MAP3K4: variants seen among roughly 807,000 people sequenced by gnomAD.
MAP3K4 encodes mitogen-activated protein kinase kinase kinase 4.
In MAP3K4, 67 loss-of-function variants were observed where a neutral mutation model predicts 185.6. The observed-to-expected ratio is 0.36, with a 90% CI of 0.30 to 0.44. The LOEUF is 0.44. Among genes scored for constraint, MAP3K4 ranks in the 20% least tolerant of loss-of-function variants. MAP3K4 has a pLI of 1.00. For synonymous variants in MAP3K4, 702 were observed against 710.4 expected (o/e 0.99, Z 0.19); for missense variants, 1,551 against 1,995.1 (o/e 0.78, Z 4.24).
intron 6 of MAP3K4, among the ~76,000 whole-genome samples, chr6:161,083,618 T>G (rs990094567): frequency 6.6e-6 from 1 of 152,212 alleles, no homozygotes; most frequent in Non-Finnish European, 1.5e-5. Flanking sequence ...ATGATTTTCT[T>G]TTTTCATGAA....
chr6:161,038,159 C>T (rs1160275753), intron 2 of MAP3K4, among the ~76,000 whole-genome samples: 3 of 152,078 alleles, frequency 2.0e-5, no homozygotes, highest in Admixed American at 1.3e-4. Flanking sequence ...TGAGTGACTC[C>T]ATAGGCATGT....
intron 3 of MAP3K4, among the ~76,000 whole-genome samples, chr6:161,066,538 AT>A (rs1784723715): frequency 6.6e-6 from 1 of 151,036 alleles, no homozygotes; most frequent in South Asian, 2.1e-4. Flanking sequence ...TTAATTTATT[AT>A]TTTCCAGAGG....
Position 161,073,532 on chromosome 6 carries a change from C to T in MAP3K4, c.2017C>T (p.Leu673=). ...GATGAAGCAGTACTACCAGTTCATG[C>T]TGCAGGAGGTTCTGGAGGACTTGGA... is the stretch of plus-strand genomic sequence containing the variant. ...LLMKQYYQFM[L]QEVLEDLEKP... is the part of the protein sequence containing the mutation. Residue 673 remains leucine (L), a synonymous_variant, in exon 5 of 27, where the codon CTG becomes TTG. Coordinates refer to ENST00000392142, the MANE Select transcript of MAP3K4 (RefSeq NM_005922.4). The surrounding 1 kb of genome is among the most constrained non-coding windows in gnomAD (Gnocchi z 4.2). 1 of 1,613,984 alleles carries T rather than the reference C, an allele frequency of 6.2e-7. No individual in the cohort carries two copies. The highest frequency in any genetic ancestry group is 8.5e-7 in the Non-Finnish European group (1 of 1,179,938).
chr6:161,000,221 T>C (rs1301221441), intron 1 of MAP3K4, among the ~76,000 whole-genome samples: 1 of 152,246 alleles, frequency 6.6e-6, no homozygotes, highest in Non-Finnish European at 1.5e-5. Context: ...AAATTGTTCA[T>C]CATAACCTAC....
At chr6:161,068,318 G>T (rs1784792505) in intron 3 of MAP3K4, among the ~76,000 whole-genome samples, 3 of 152,322 alleles carry the variant, frequency 2.0e-5, no homozygotes, top group South Asian at 2.1e-4. Flanking sequence ...ATAGAGGAGG[G>T]TGGCATCTGG....
Position 161,034,126 on chromosome 6 carries a change from TGAG to T in MAP3K4, c.153-126_153-124del, listed in dbSNP as rs778218193. 195 of 608,134 alleles carry T rather than the reference TGAG, an allele frequency of 3.2e-4. No individual in the cohort carries two copies. The highest frequency in any genetic ancestry group is 6.7e-4 in the South Asian group (21 of 31,436). The allele number at this position is 608,134 out of a possible 1,614,324, so 37.7% of individuals were successfully genotyped here. On this transcript the variant is annotated intron_variant, in intron 1 of 26. Transcript: ENST00000392142. The surrounding 1 kb of genome is among the most constrained non-coding windows in gnomAD (Gnocchi z 4.4). ...CCTTTTGAGTTTTCACAGGTAAAAATGAGGAGGAGCACAGTGCTGAAGAGATTT... is the reference window on the plus strand; with the variant it reads ...CCTTTTGAGTTTTCACAGGTAAAAATGAGGAGCACAGTGCTGAAGAGATTT...
chr6:161,090,796 C>G (rs868671589), intron 11 of MAP3K4, among the ~76,000 whole-genome samples: 1 of 101,274 alleles, frequency 9.9e-6, no homozygotes, highest in Admixed American at 1.1e-4. Flanking sequence ...AACTCTTGGT[C>G]GTGGAGGGCC....
chr6:161,045,905 C>A (rs1306582006), intron 2 of MAP3K4, among the ~76,000 whole-genome samples: 1 of 152,152 alleles, frequency 6.6e-6, no homozygotes, highest in Non-Finnish European at 1.5e-5. Context: ...AATACACATT[C>A]TATTCTAGGT....
intron 1 of MAP3K4, among the ~76,000 whole-genome samples, chr6:161,012,164 G>A (rs1781879524): frequency 6.6e-6 from 1 of 152,132 alleles, no homozygotes; most frequent in African/African-American, 2.4e-5. Context: ...TTGAAATCCA[G>A]GCCCAATAGT....
Position 161,076,790 on chromosome 6 carries a change from C to T in MAP3K4, c.2097+3178C>T, listed in dbSNP as rs989981867. On this transcript the variant is annotated intron_variant, in intron 5 of 26. Coordinates refer to ENST00000392142, the MANE Select transcript of MAP3K4 (RefSeq NM_005922.4). The surrounding 1 kb of genome is among the most constrained non-coding windows in gnomAD (Gnocchi z 4.2). ...GCAGGGAAGCTCTTAAGTTTTCATC[C>T]TACAGATAATTATTGGGTATCCACT... 6.6e-6 allele frequency among the ~76,000 whole-genome samples: 1 copy of T among 152,168 alleles called. No homozygotes were observed. The highest frequency in any genetic ancestry group is 1.5e-5 in the Non-Finnish European group (1 of 68,036).
intron 1 of MAP3K4, among the ~76,000 whole-genome samples, chr6:161,027,315 T>G (rs1782722353): frequency 6.6e-6 from 1 of 152,244 alleles, no homozygotes; most frequent in Non-Finnish European, 1.5e-5. Context: ...TAATTGTGAT[T>G]GTGTAACTCA....
intron 1 of MAP3K4, among the ~76,000 whole-genome samples, chr6:160,999,757 C>G (rs1040906477): frequency 6.6e-6 from 1 of 152,172 alleles, no homozygotes; most frequent in Non-Finnish European, 1.5e-5. Flanking sequence ...ATACATAGCC[C>G]AGCTTAAGCC....
At chr6:161,099,646 A>T (rs2114889704) in intron 17 of MAP3K4, among the ~76,000 whole-genome samples, 1 of 152,360 alleles carries the variant, frequency 6.6e-6, no homozygotes, top group Non-Finnish European at 1.5e-5. Flanking sequence ...CCTAAAACAC[A>T]GTCATAATTG....
chr6:160,995,629 A>T (rs1353036694), intron 1 of MAP3K4, among the ~76,000 whole-genome samples: 1 of 152,228 alleles, frequency 6.6e-6, no homozygotes, highest in African/African-American at 2.4e-5. Context: ...CTTATTTTTG[A>T]TAAAGAATTC....
intron 3 of MAP3K4, among the ~76,000 whole-genome samples, chr6:161,055,845 C>T (rs912061877): frequency 2.0e-5 from 3 of 152,174 alleles, no homozygotes; most frequent in African/African-American, 7.2e-5. Context: ...CCTTTCCATA[C>T]TCCAATTCTT....
At position 161,043,229 on chromosome 6, in the gene MAP3K4, C is replaced by T. The variant is rs1322910869; in HGVS notation, c.344-5387C>T. Among the ~76,000 whole-genome samples the T allele has an allele frequency of 6.6e-6, 1 of 152,164 alleles. No individual in the cohort carries two copies. Among genetic ancestry groups the T allele is most frequent in the Non-Finnish European group, 1.5e-5 (1 of 68,018 alleles). On this transcript the variant is annotated intron_variant, in intron 2 of 26. Transcript: ENST00000392142. This position sits in a 1 kb window ranked among gnomAD's most constrained non-coding sequence, Gnocchi z 4.3. ...CAGGGTCCTGGTTTGTGTTTCCAGG[C>T]TTCCATATACAGGCTCAGTGTTCAG...
intron 1 of MAP3K4, among the ~76,000 whole-genome samples, chr6:161,000,241 T>G (rs1781205487): frequency 6.6e-6 from 1 of 152,216 alleles, no homozygotes; most frequent in East Asian, 1.9e-4. Flanking sequence ...CTAAATTGAT[T>G]TTATTACCCA....
In MAP3K4 at chr6:161,064,659, T is replaced by C. The variant is rs964983786; in HGVS notation, c.1708-5949T>C. On this transcript the variant is annotated intron_variant, in intron 3 of 26. Coordinates refer to ENST00000392142, the MANE Select transcript of MAP3K4 (RefSeq NM_005922.4). This position sits in a 1 kb window ranked among gnomAD's most constrained non-coding sequence, Gnocchi z 4.3. The stretch of plus-strand genomic sequence containing the variant: ...CACATTACTTTCTTCCACATGGGCT[T>C]TATTATGGATTTGTCAAATCCACAC... 4.6e-5 allele frequency among the ~76,000 whole-genome samples: 7 copies of C among 152,352 alleles called. No homozygotes were observed. Among genetic ancestry groups the C allele is most frequent in the African/African-American group, 1.7e-4 (7 of 41,574 alleles).
At chr6:161,040,785 G>T (rs532479137) in intron 2 of MAP3K4, among the ~76,000 whole-genome samples, 5 of 152,320 alleles carry the variant, frequency 3.3e-5, no homozygotes, top group Admixed American at 2.6e-4. Flanking sequence ...TTTTTAAAAG[G>T]TCATAAATGT....
Sources: gnomAD v4.1 joint callset for allele counts (sites outside exome capture counted in the v4.1 genomes callset) on GRCh38, gnomAD v4.1.1 for gene constraint, Gnocchi (gnomAD v3.1) non-coding constraint, MANE v1.5 for transcripts, NCBI Gene and HGNC (gene_info 2026-07-23, HGNC 2026-07-21) for gene names.